The following KLHL2 variants were observed in gnomAD, a reference collection of about 807,000 sequenced individuals.
The protein encoded by KLHL2 is kelch-like protein 2.
Under a neutral mutation model 75.8 loss-of-function variants are expected in KLHL2, and 15 were observed. The observed-to-expected ratio is 0.20, with a 90% CI of 0.13 to 0.30. The LOEUF (loss-of-function observed/expected upper bound fraction) is 0.30, where lower values mean the gene tolerates loss of function less well. Ranked by LOEUF, KLHL2 falls within the 10% of genes least tolerant of loss-of-function variation. The pLI is 1.00. For missense variants in KLHL2, 381 were observed against 741.0 expected (o/e 0.51, Z 5.64); for synonymous variants, 214 against 251.9 (o/e 0.85, Z 1.42).
chr4:165,264,697 TGTGTGTGTATATATATATATATAC>T (rs1199583188), intron 5 of KLHL2, among the ~76,000 whole-genome samples: 3 of 58,460 alleles, frequency 5.1e-5, no homozygotes, highest in African/African-American at 1.9e-4. Context: ...TGTGTGTGTG[TGTGTGTGTATATATATATATATAC>T]ATATATATAT....
chr4:165,216,073 G>A (rs1424008550), intron 1 of KLHL2, among the ~76,000 whole-genome samples: 1 of 152,144 alleles, frequency 6.6e-6, no homozygotes, highest in African/African-American at 2.4e-5. Context: ...TCATTTCTGT[G>A]GTGTTCTCAG....
chr4:165,280,647 T>G (rs1743593405), intron 5 of KLHL2, among the ~76,000 whole-genome samples: 1 of 152,240 alleles, frequency 6.6e-6, no homozygotes, highest in African/African-American at 2.4e-5. Context: ...ACACAGCACT[T>G]TTTAGCTGAA....
intron 8 of KLHL2, among the ~76,000 whole-genome samples, chr4:165,301,000 C>T (rs1009819940): frequency 6.6e-6 from 1 of 152,150 alleles, no homozygotes; most frequent in Non-Finnish European, 1.5e-5. Context: ...TTATAACTAA[C>T]TGCAGATTTG....
chr4:165,257,363 G>A (rs1361526385), intron 4 of KLHL2, among the ~76,000 whole-genome samples: 1 of 152,244 alleles, frequency 6.6e-6, no homozygotes, highest in Non-Finnish European at 1.5e-5. Context: ...CCAGGGGGAA[G>A]TATTTCTCTT....
intron 1 of KLHL2, among the ~76,000 whole-genome samples, chr4:165,213,049 A>G (rs1737304885): frequency 6.6e-6 from 1 of 152,218 alleles, no homozygotes; most frequent in African/African-American, 2.4e-5. Flanking sequence ...CACTTATTCA[A>G]TGGGATAACC....
At chr4:165,239,802 C>A (rs1430730158) in intron 4 of KLHL2, among the ~76,000 whole-genome samples, 1 of 152,218 alleles carries the variant, frequency 6.6e-6, no homozygotes, top group Non-Finnish European at 1.5e-5. Context: ...CTCTAGAGGG[C>A]AGCTTCTGTT....
intron 5 of KLHL2, among the ~76,000 whole-genome samples, chr4:165,275,692 T>C (rs1389283195): frequency 1.3e-5 from 2 of 152,196 alleles, no homozygotes; most frequent in African/African-American, 4.8e-5. Context: ...TCCTCCTGCC[T>C]TGGCTTCCCA....
chr4:165,301,949 C>G (rs950257060), intron 8 of KLHL2, among the ~76,000 whole-genome samples: 3 of 152,012 alleles, frequency 2.0e-5, no homozygotes, highest in African/African-American at 7.3e-5. Flanking sequence ...CAAGTACTTA[C>G]TTTCTCTTTT....
At chr4:165,237,915 G>A (rs565553576) in intron 3 of KLHL2, among the ~76,000 whole-genome samples, 21 of 151,968 alleles carry the variant, frequency 1.4e-4, no homozygotes, top group Admixed American at 8.5e-4. Context: ...GTCACACCTC[G>A]GTGCTTAAAC....
chr4:165,242,004 G>GT (rs1224735054), intron 4 of KLHL2, among the ~76,000 whole-genome samples: 2 of 151,822 alleles, frequency 1.3e-5, no homozygotes, highest in Non-Finnish European at 2.9e-5. Context: ...TGCTGCTGTT[G>GT]TTTTTTTGTT....
chr4:165,285,586 T>C (rs1156288332), intron 5 of KLHL2, among the ~76,000 whole-genome samples: 1 of 152,074 alleles, frequency 6.6e-6, no homozygotes, highest in Non-Finnish European at 1.5e-5. Flanking sequence ...TTTGTATTTT[T>C]AGTAGAGACG....
At chr4:165,287,229 A>C (rs927494270) in intron 5 of KLHL2, among the ~76,000 whole-genome samples, 11 of 152,164 alleles carry the variant, frequency 7.2e-5, no homozygotes, top group Non-Finnish European at 1.6e-4. Flanking sequence ...TAGATACCTC[A>C]TATTAGTGGA....
intron 4 of KLHL2, chr4:165,240,458 T>C (rs1050123028): frequency 2.0e-5 from 3 of 152,160 alleles, no homozygotes; most frequent in Admixed American, 2.0e-4. Context: ...GAAGTTCCAG[T>C]TGTGAGGTAA....
intron 5 of KLHL2, among the ~76,000 whole-genome samples, chr4:165,270,161 C>T (rs1251162207): frequency 6.6e-6 from 1 of 152,154 alleles, no homozygotes; most frequent in Non-Finnish European, 1.5e-5. Context: ...CTGTGGTTTT[C>T]AGCTCCATCA....
intron 5 of KLHL2, among the ~76,000 whole-genome samples, chr4:165,276,348 A>G (rs372953709): frequency 2.6e-5 from 4 of 152,214 alleles, no homozygotes; most frequent in Admixed American, 6.5e-5. Context: ...AAGTATTTTC[A>G]TGTGTGTCCC....
At chr4:165,303,644 C>CCT (rs532825353) in intron 8 of KLHL2, among the ~76,000 whole-genome samples, 177 of 152,290 alleles carry the variant, frequency 1.2e-3, no homozygotes, top group African/African-American at 4.1e-3. Flanking sequence ...CTCACTGCAA[C>CCT]CTCTGCCTCC....
chr4:165,303,811 G>T (rs76510946), intron 8 of KLHL2, among the ~76,000 whole-genome samples: 1 of 152,012 alleles, frequency 6.6e-6, no homozygotes, highest in Non-Finnish European at 1.5e-5. Context: ...CGATCCAACC[G>T]CACTGGCCTC....
intron 1 of KLHL2, chr4:165,209,547 T>C (rs989054612): frequency 6.6e-6 from 1 of 152,106 alleles, no homozygotes; most frequent in Non-Finnish European, 1.5e-5. Context: ...TAATAAAAAA[T>C]AGAATTGATG....
chr4:165,264,678 ATGTATGTGTGTGTGTG>A (rs1331717815), intron 5 of KLHL2, among the ~76,000 whole-genome samples: 50 of 64,828 alleles, frequency 7.7e-4, no homozygotes, highest in African/African-American at 2.0e-3. Context: ...ACATACGTAT[ATGTATGTGTGTGTGTG>A]TGTGTGTGTG....
Sources: gnomAD v4.1 joint callset for allele counts (sites outside exome capture counted in the v4.1 genomes callset) on GRCh38, gnomAD v4.1.1 for gene constraint, MANE v1.5 for transcripts, NCBI Gene and HGNC (gene_info 2026-07-23, HGNC 2026-07-21) for gene names.